The following RBFOX1 variants were observed in gnomAD, a reference collection of about 807,000 sequenced individuals.
RBFOX1 encodes RNA binding fox-1 homolog 1.
A neutral mutation model predicts 57.7 loss-of-function variants in RBFOX1; 8 were observed. The observed-to-expected ratio is 0.14, with a 90% CI of 0.08 to 0.25. RBFOX1 has a LOEUF of 0.25. Among genes scored for constraint, RBFOX1 ranks in the 10% least tolerant of loss-of-function variants. RBFOX1 has a pLI of 1.00. For synonymous variants in RBFOX1, 326 were observed against 222.4 expected (o/e 1.47, Z -4.15); for missense variants, 611 against 548.5 (o/e 1.11, Z -1.14).
intron 4 of RBFOX1, among the ~76,000 whole-genome samples, chr16:5,964,571 A>G (rs1161697658): frequency 6.6e-6 from 1 of 152,154 alleles, no homozygotes; most frequent in Non-Finnish European, 1.5e-5. Flanking sequence ...GTATATATGT[A>G]TCTATGTGTG....
chr16:6,889,292 G>T (rs1021935017), intron 3 of RBFOX1, among the ~76,000 whole-genome samples: 8 of 152,300 alleles, frequency 5.3e-5, no homozygotes, highest in South Asian at 2.1e-4. Flanking sequence ...CCAGTGAACT[G>T]TGAGCATAGG....
At chr16:7,282,200 C>G (rs2095558570) in intron 4 of RBFOX1, among the ~76,000 whole-genome samples, 1 of 152,120 alleles carries the variant, frequency 6.6e-6, no homozygotes, top group Non-Finnish European at 1.5e-5. Context: ...ACAGAATCCA[C>G]CACTCACCGC....
chr16:6,331,508 G>A (rs1221624719), intron 2 of RBFOX1, among the ~76,000 whole-genome samples: 1 of 151,068 alleles, frequency 6.6e-6, no homozygotes, highest in Non-Finnish European at 1.5e-5. Flanking sequence ...GATATAAATG[G>A]AAGGATCCTC....
chr16:6,867,908 A>C (rs1346587170), intron 3 of RBFOX1, among the ~76,000 whole-genome samples: 1 of 152,158 alleles, frequency 6.6e-6, no homozygotes, highest in East Asian at 1.9e-4. Context: ...CTTAAACAAG[A>C]GAGTAATCAA....
intron 3 of RBFOX1, among the ~76,000 whole-genome samples, chr16:5,677,543 GA>G (rs1364313258): frequency 6.6e-6 from 1 of 152,176 alleles, no homozygotes; most frequent in East Asian, 1.9e-4. Flanking sequence ...AGTCAAGTTT[GA>G]AAGAAATTCA....
At position 5,467,078 on chromosome 16, in the gene RBFOX1, A is replaced by G. The variant is rs1050192160; in HGVS notation, c.220-138A>G. The G allele has an allele frequency of 4.4e-5, 45 of 1,033,340 alleles. No individual in the cohort carries two copies. In the East Asian group the frequency reaches 4.5e-4, roughly 10 times the overall value. 64.0% of individuals were successfully genotyped at this position (1,033,340 alleles called of 1,614,324 possible). Reference sequence around the variant, plus strand: ...GAGCCTGACACATGTTAGGCATTTAATGGACGTTTTGAGAATGAATGAATA... The same window carrying G: ...GAGCCTGACACATGTTAGGCATTTAGTGGACGTTTTGAGAATGAATGAATA... On this transcript the variant is annotated intron_variant, in intron 1 of 2. Coordinates refer to the RBFOX1 transcript ENST00000585867.
intron 4 of RBFOX1, among the ~76,000 whole-genome samples, chr16:7,289,658 C>T (rs940954896): frequency 2.0e-5 from 3 of 152,126 alleles, no homozygotes; most frequent in African/African-American, 7.2e-5. Context: ...AGCATCACCA[C>T]CCCCACCATC....
chr16:5,798,517 A>C (rs1597299607), intron 3 of RBFOX1, among the ~76,000 whole-genome samples: 1 of 152,268 alleles, frequency 6.6e-6, no homozygotes, highest in African/African-American at 2.4e-5. Context: ...CAACCTGGCA[A>C]GTGGTAGAAC....
At chr16:5,792,055 C>T (rs2054719642) in intron 3 of RBFOX1, among the ~76,000 whole-genome samples, 1 of 152,120 alleles carries the variant, frequency 6.6e-6, no homozygotes, top group South Asian at 2.1e-4. Flanking sequence ...TGTGTCTTTG[C>T]CTATAAAGCA....
intron 1 of RBFOX1, among the ~76,000 whole-genome samples, chr16:6,246,449 C>T (rs2097569573): frequency 1.3e-5 from 2 of 152,136 alleles, no homozygotes; most frequent in African/African-American, 4.8e-5. Flanking sequence ...ATGCCAGCTC[C>T]AGCATAAAAA....
At chr16:5,252,166 G>A (rs2062469114) in intron 1 of RBFOX1, among the ~76,000 whole-genome samples, 1 of 152,168 alleles carries the variant, frequency 6.6e-6, no homozygotes, top group Non-Finnish European at 1.5e-5. Context: ...GAAGGGTGGG[G>A]ACCCTCATCA....
intron 3 of RBFOX1, among the ~76,000 whole-genome samples, chr16:5,713,668 A>AT (rs2051577799): frequency 6.6e-6 from 1 of 152,162 alleles, no homozygotes; most frequent in African/African-American, 2.4e-5. Context: ...GCAGGTTATG[A>AT]TTTTGTAGAT....
At chr16:6,736,680 T>G (rs1194694784) in intron 3 of RBFOX1, among the ~76,000 whole-genome samples, 1 of 152,204 alleles carries the variant, frequency 6.6e-6, no homozygotes, top group African/African-American at 2.4e-5. Context: ...TACCCAGTAG[T>G]GGGATTGCTG....
chr16:6,221,570 A>G (rs1011243549), intron 1 of RBFOX1, among the ~76,000 whole-genome samples: 18 of 152,226 alleles, frequency 1.2e-4, no homozygotes, highest in African/African-American at 4.3e-4. Flanking sequence ...ATATGATCTT[A>G]AGCTAAATTA....
At chr16:6,950,028 C>A (rs570227839) in intron 3 of RBFOX1, among the ~76,000 whole-genome samples, 2 of 151,252 alleles carry the variant, frequency 1.3e-5, no homozygotes, top group Non-Finnish European at 2.9e-5. Flanking sequence ...CTCGCTGCAA[C>A]GTCTGCCTCC....
At chr16:7,537,850 A>G (rs1384949924) in intron 5 of RBFOX1, among the ~76,000 whole-genome samples, 3 of 152,254 alleles carry the variant, frequency 2.0e-5, no homozygotes. Flanking sequence ...AATTCTGGAT[A>G]AATTAATTTC....
intron 14 of RBFOX1, among the ~76,000 whole-genome samples, chr16:7,708,640 G>T (rs1252900531): frequency 6.6e-6 from 1 of 152,154 alleles, no homozygotes; most frequent in African/African-American, 2.4e-5. Context: ...TATTTCACTT[G>T]AATGGTGACA....
At chr16:6,190,305 CT>C (rs2097133535) in intron 1 of RBFOX1, among the ~76,000 whole-genome samples, 1 of 152,134 alleles carries the variant, frequency 6.6e-6, no homozygotes, top group African/African-American at 2.4e-5. Flanking sequence ...CAAACCAACA[CT>C]AAGTAGTAAT....
At chr16:7,289,058 T>C (rs901030261) in intron 4 of RBFOX1, among the ~76,000 whole-genome samples, 2 of 152,138 alleles carry the variant, frequency 1.3e-5, no homozygotes, top group Non-Finnish European at 2.9e-5. Flanking sequence ...CATAAATTAT[T>C]AACATCCAAC....
Sources: gnomAD v4.1 joint callset for allele counts (sites outside exome capture counted in the v4.1 genomes callset) on GRCh38, gnomAD v4.1.1 for gene constraint, MANE v1.5 for transcripts, NCBI Gene and HGNC (gene_info 2026-07-23, HGNC 2026-07-21) for gene names.